SETX: variants seen among roughly 807,000 people sequenced by gnomAD.
SETX encodes helicase senataxin.
Under a neutral mutation model 227.2 loss-of-function variants are expected in SETX, and 90 were observed. The observed-to-expected ratio is 0.40, with a 90% CI of 0.33 to 0.47. SETX has a LOEUF of 0.47. Among genes scored for constraint, SETX ranks in the 20% least tolerant of loss-of-function variants. SETX has a pLI of 0.91. For missense variants in SETX, 3,052 were observed against 3,181.5 expected (o/e 0.96, Z 0.98); for synonymous variants, 1,210 against 1,113.2 (o/e 1.09, Z -1.73).
At chr9:132,356,737 G>A (rs1398072848), upstream of SETX, among the ~76,000 whole-genome samples, 2 of 152,178 alleles carry the variant, frequency 1.3e-5, no homozygotes, top group Non-Finnish European at 2.9e-5. Context: ...GGCCCAAGGC[G>A]AAGGAAGATT....
intron 5 of SETX, among the ~76,000 whole-genome samples, chr9:132,341,568 A>C (rs943744750): frequency 3.3e-5 from 5 of 152,196 alleles, no homozygotes; most frequent in African/African-American, 1.2e-4. Flanking sequence ...TGGTTACATA[A>C]GGGCTAGGCA....
In SETX at chr9:132,269,705, A is replaced by G. The variant is rs750883399; in HGVS notation, c.7200-3T>C. ...ATCTCTGCAAACTTGCCAGGAATCTAGGCAATAAAAAAAGAGTTCCTTCTT... is the reference window on the plus strand; with the variant it reads ...ATCTCTGCAAACTTGCCAGGAATCTGGGCAATAAAAAAAGAGTTCCTTCTT... On this transcript the variant is annotated splice_region_variant and splice_polypyrimidine_tract_variant and intron_variant, in intron 24 of 25. Transcript: ENST00000224140. The G allele has an allele frequency of 5.5e-5, 88 of 1,613,902 alleles. No homozygotes were observed. The highest frequency in any genetic ancestry group is 7.3e-5 in the Non-Finnish European group (86 of 1,179,866).
At chr9:132,288,717 A>T (rs1049643393) in intron 15 of SETX, 66 bp from the exon 16 acceptor site, 1 of 1,012,830 alleles carries the variant, frequency 9.9e-7, no homozygotes, top group Non-Finnish European at 1.6e-6. Flanking sequence ...CTCTATACAT[A>T]GTATCTATAT....
Position 132,273,193 on chromosome 9 carries a change from G to A in SETX, c.7101-1385C>T, listed in dbSNP as rs564443824. Among the ~76,000 whole-genome samples the A allele has an allele frequency of 5.3e-5, 8 of 151,400 alleles. No homozygotes were observed. In the South Asian group the frequency reaches 1.0e-3, roughly 20 times the overall value. On this transcript the variant is annotated intron_variant, in intron 23 of 25. Transcript: ENST00000224140. ...TTTTTTTGTTTTGAGATGGAATTTC[G>A]CTCTCGTCGCCCAGGCTGGAGTGCA... is the stretch of plus-strand genomic sequence containing the variant.
chr9:132,333,820 C>G (rs1027497677), intron 7 of SETX, among the ~76,000 whole-genome samples: 5 of 152,182 alleles, frequency 3.3e-5, no homozygotes, highest in Non-Finnish European at 5.9e-5. Context: ...TTGTTCAATA[C>G]AGTACAGGAT....
chr9:132,323,088 T>C (rs1019893343), intron 10 of SETX, among the ~76,000 whole-genome samples: 1 of 152,214 alleles, frequency 6.6e-6, no homozygotes, highest in East Asian at 1.9e-4. Context: ...GTACCTCTCA[T>C]ATATCCTCTT....
rs886063556 is a variant in SETX, at chr9:132,328,819, T to C, written c.2779A>G (p.Met927Val). ...TAAATCACACTGGTACTATTACTCA[T>C]CTCCTCATCTCTTGATTCAGGTACA... Reference protein sequence around the residue: ...MTVPESRDEEMSNSTSVIYSN... With the variant: ...MTVPESRDEEVSNSTSVIYSN... Residue 927 changes from methionine to valine, a missense_variant, in exon 10 of 26, where the codon ATG becomes GTG. Met to Val is a conservative substitution (Grantham distance 21). Around this residue, in one of 10 missense-constraint regions of SETX, gnomAD observed 1,483 missense variants for 1,312.0 expected, o/e 1.13. Transcript: ENST00000224140. 3.1e-6 allele frequency: 5 copies of C among 1,612,322 alleles called. No individual in the cohort carries two copies. The highest frequency in any genetic ancestry group is 4.2e-6 in the Non-Finnish European group (5 of 1,179,476).
intron 23 of SETX, among the ~76,000 whole-genome samples, chr9:132,272,868 T>TACTGAG (rs61190408): frequency 6.6e-6 from 1 of 151,492 alleles, no homozygotes; most frequent in Non-Finnish European, 1.5e-5. Context: ...ACAAGTTATT[T>TACTGAG]ACTTAGTGTT....
At chr9:132,355,989 GAAAAAAAA>G (rs1213549776), upstream of SETX, among the ~76,000 whole-genome samples, 8,011 of 85,300 alleles carry the variant, frequency 0.094, 377 homozygotes, top group East Asian at 0.34. Context: ...TCTCTCTCCG[GAAAAAAAA>G]AAAAAAAAAA....
intron 12 of SETX, among the ~76,000 whole-genome samples, chr9:132,298,692 T>G (rs1323720313): frequency 6.6e-6 from 1 of 152,124 alleles, no homozygotes; most frequent in Non-Finnish European, 1.5e-5. Context: ...TAGTACTACA[T>G]GCAGAAAATA....
chr9:132,274,089 A>T (rs979384685), intron 23 of SETX, among the ~76,000 whole-genome samples: 2 of 151,466 alleles, frequency 1.3e-5, no homozygotes, highest in Non-Finnish European at 2.9e-5. Flanking sequence ...ATTGATTTTC[A>T]TATGTTGAAG....
In SETX at chr9:132,327,715, T is replaced by C. The variant is rs758382586; in HGVS notation, c.3883A>G (p.Lys1295Glu). 1.9e-6 allele frequency: 3 copies of C among 1,614,088 alleles called. No individual in the cohort carries two copies. Among genetic ancestry groups the C allele is most frequent in the African/African-American group, 1.3e-5 (1 of 74,928 alleles). Residue 1295 changes from lysine to glutamate, a missense_variant, in exon 10 of 26, where the codon AAG becomes GAG. Transcript: ENST00000224140. ...GACCGCTGGGACAACTCATATGCCT[T>C]ACGAGGACCCTTTTTCAGGCCAAGT... ...EKLGLKKGPR[K>E]AYELSQRSLD... is the part of the protein sequence containing the mutation.
rs1847038457 is a variant in SETX at position 132,328,976 on chromosome 9, T to G, written c.2622A>C (p.Leu874Phe). 2.5e-6 allele frequency: 4 copies of G among 1,607,562 alleles called. No homozygotes were observed. The highest frequency in any genetic ancestry group is 3.4e-6 in the Non-Finnish European group (4 of 1,178,004). ...PKEKQLKNEE[L>F]VIFSFHENNC... ...TGTTTTCATGGAAAGAGAAAATAACTAATTCTTCATTCTTTAATTGTTTCT... is the reference window on the plus strand; with the variant it reads ...TGTTTTCATGGAAAGAGAAAATAACGAATTCTTCATTCTTTAATTGTTTCT... Residue 874 changes from leucine to phenylalanine, a missense_variant, in exon 10 of 26, where the codon TTA becomes TTC. Physicochemically the swap from Leu to Phe is conservative, Grantham distance 22. Transcript: ENST00000224140.
chr9:132,317,048 A>T (rs745997773), intron 10 of SETX, among the ~76,000 whole-genome samples: 9 of 152,246 alleles, frequency 5.9e-5, no homozygotes, highest in Non-Finnish European at 8.8e-5. Flanking sequence ...TTACAATGTG[A>T]AGCTATCACA....
chr9:132,298,595 A>G (rs1844811432), intron 12 of SETX, among the ~76,000 whole-genome samples: 2 of 152,180 alleles, frequency 1.3e-5, no homozygotes, highest in African/African-American at 2.4e-5. Context: ...ATGGAGGCAG[A>G]TAAGCTGGTC....
At chr9:132,355,699 C>T (rs1848874225), upstream of SETX, among the ~76,000 whole-genome samples, 1 of 151,666 alleles carries the variant, frequency 6.6e-6, no homozygotes, top group African/African-American at 2.4e-5. Context: ...AAAACTCAGC[C>T]ACCGAGGCCG....
In SETX at chr9:132,330,106, T is replaced by G; in HGVS notation, c.1492A>C (p.Thr498Pro). The G allele has an allele frequency of 6.2e-7, 1 of 1,614,026 alleles. No individual in the cohort carries two copies. Among genetic ancestry groups the G allele is most frequent in the Non-Finnish European group, 8.5e-7 (1 of 1,179,866 alleles). Reference sequence around the variant, plus strand: ...TTCTCAGAACTCCGTGTAAACGCAGTGGTAGGAAGCTTGGCACATTTGACG... The same window carrying G: ...TTCTCAGAACTCCGTGTAAACGCAGGGGTAGGAAGCTTGGCACATTTGACG... ...AVVKCAKLPT[T>P]AFTRSSEKSS... The change falls in exon 10 of 26, where the codon ACT (threonine) becomes CCT (proline). Residue 498 changes from threonine (T) to proline (P), a missense_variant. By Grantham distance (38) the Thr-to-Pro change is conservative. Around this residue, in one of 10 missense-constraint regions of SETX, gnomAD observed 179 missense variants for 197.1 expected, o/e 0.91. Transcript: ENST00000224140.
intron 25 of SETX, 100 bp from the exon 26 acceptor site, chr9:132,265,085 A>AT: frequency 1.5e-6 from 2 of 1,352,912 alleles, no homozygotes; most frequent in Non-Finnish European, 2.1e-6. Flanking sequence ...AATACATATT[A>AT]TTGTATGAAC....
At chr9:132,280,883 C>T (rs3780825) in intron 20 of SETX, among the ~76,000 whole-genome samples, 14,358 of 152,124 alleles carry the variant, frequency 0.094, 757 homozygotes, top group South Asian at 0.15. Context: ...TTCTTCTCTT[C>T]CCAAAGTCAG....
Sources: gnomAD v4.1 joint callset for allele counts (sites outside exome capture counted in the v4.1 genomes callset) on GRCh38, gnomAD v4.1.1 for gene constraint, gnomAD v4.1.1 regional missense constraint, MANE v1.5 for transcripts, NCBI Gene and HGNC (gene_info 2026-07-23, HGNC 2026-07-21) for gene names.